NIPAL2: variants seen among roughly 807,000 people sequenced by gnomAD.
The protein encoded by NIPAL2 is NIPA-like protein 2.
NIPAL2 carries 43 observed loss-of-function variants against 48.9 expected under a neutral mutation model. The observed-to-expected ratio is 0.88, with a 90% CI of 0.69 to 1.13. The LOEUF is 1.13. Ranked by LOEUF, NIPAL2 falls within the 50% of genes most tolerant of loss-of-function variation. NIPAL2 has a pLI of 0.00. For synonymous variants in NIPAL2, 167 were observed against 174.6 expected (o/e 0.96, Z 0.34); for missense variants, 446 against 461.4 (o/e 0.97, Z 0.31).
rs78170085 is a variant in NIPAL2, at chr8:98,273,080, G to A, written c.136-18993C>T. Among the ~76,000 whole-genome samples, 491 of 152,226 alleles carry A rather than the reference G, an allele frequency of 3.2e-3. 1 individual carries two copies. The highest frequency in any genetic ancestry group is 0.011 in the African/African-American group (454 of 41,528). ...CTTGTACACAAATATCCATAGCACC[G>A]TTATTCCTAGTGCCCCAAAGTGGAA... On this transcript the variant is annotated intron_variant, in intron 1 of 10. Transcript: ENST00000430223.
chr8:98,285,088 A>G (rs1199300791), intron 1 of NIPAL2, among the ~76,000 whole-genome samples: 5 of 152,220 alleles, frequency 3.3e-5, no homozygotes, highest in African/African-American at 1.2e-4. Flanking sequence ...CTAAGCTTCT[A>G]AGGAGAGTAC....
At chr8:98,286,921 C>T (rs1490218022) in intron 1 of NIPAL2, among the ~76,000 whole-genome samples, 1 of 151,438 alleles carries the variant, frequency 6.6e-6, no homozygotes, top group Non-Finnish European at 1.5e-5. Flanking sequence ...ATCCTGAGAG[C>T]TATATGGAGG....
At chr8:98,196,491 C>T (rs1810557040) in intron 8 of NIPAL2, among the ~76,000 whole-genome samples, 1 of 152,208 alleles carries the variant, frequency 6.6e-6, no homozygotes, top group South Asian at 2.1e-4. Flanking sequence ...GGCCACATGG[C>T]GACTCAAGTG....
chr8:98,254,790 T>C (rs1360051569), intron 1 of NIPAL2, among the ~76,000 whole-genome samples: 1 of 152,266 alleles, frequency 6.6e-6, no homozygotes, highest in Non-Finnish European at 1.5e-5. Context: ...ATCTCAGGTA[T>C]GTGGCACGCG....
chr8:98,254,300 G>A (rs1257335757), intron 1 of NIPAL2, among the ~76,000 whole-genome samples: 1 of 152,098 alleles, frequency 6.6e-6, no homozygotes, highest in East Asian at 1.9e-4. Flanking sequence ...GGTCCTTTAT[G>A]AATTCTCTAG....
chr8:98,293,964 G>C, intron 1 of NIPAL2, 39 bp downstream of exon 1: 1 of 1,387,744 alleles, frequency 7.2e-7, no homozygotes, highest in Non-Finnish European at 9.4e-7. Flanking sequence ...CCCTGGCCGC[G>C]TCCCCACCGG....
At chr8:98,200,887 T>G (rs995285867) in intron 8 of NIPAL2, among the ~76,000 whole-genome samples, 2 of 152,256 alleles carry the variant, frequency 1.3e-5, no homozygotes, top group Non-Finnish European at 2.9e-5. Context: ...GTTGAACATC[T>G]TTTCACATCT....
intron 1 of NIPAL2, among the ~76,000 whole-genome samples, chr8:98,275,258 A>G (rs1322990530): frequency 6.6e-6 from 1 of 152,060 alleles, no homozygotes; most frequent in Non-Finnish European, 1.5e-5. Context: ...CGTTATAGAT[A>G]TATCCTCTTT....
chr8:98,203,352 G>A lies in NIPAL2; in HGVS notation c.792-156C>T, dbSNP rs557136214. Among the ~76,000 whole-genome samples, 12 of 152,270 alleles carry A rather than the reference G, an allele frequency of 7.9e-5. No homozygotes were observed. In the South Asian group the frequency reaches 1.7e-3, roughly 21 times the overall value. On this transcript the variant is annotated intron_variant, in intron 7 of 10. Transcript: ENST00000430223. ...TCCAATCAGCAGTCATAGCTTATAT[G>A]CATCTGATGTATGAGATCAGATGTC...
intron 1 of NIPAL2, among the ~76,000 whole-genome samples, chr8:98,255,785 A>C (rs1222901822): frequency 6.6e-6 from 1 of 152,192 alleles, no homozygotes; most frequent in African/African-American, 2.4e-5. Flanking sequence ...GACTGAGAAA[A>C]AAATTTGGCC....
chr8:98,221,058 C>T (rs1222445776), intron 5 of NIPAL2, among the ~76,000 whole-genome samples: 5 of 147,222 alleles, frequency 3.4e-5, no homozygotes, highest in African/African-American at 1.0e-4. Flanking sequence ...TCACGGTAGC[C>T]TCTGCCTCCC....
At chr8:98,194,592 C>T (rs1228854474) in intron 10 of NIPAL2, 136 bp downstream of exon 10, 3 of 469,442 alleles carry the variant, frequency 6.4e-6, no homozygotes, top group African/African-American at 4.0e-5. Context: ...GAAAATAGCA[C>T]CTTTGGTTTC....
At chr8:98,275,987 T>C (rs943429383) in intron 1 of NIPAL2, among the ~76,000 whole-genome samples, 2 of 152,180 alleles carry the variant, frequency 1.3e-5, no homozygotes, top group Admixed American at 1.3e-4. Context: ...GAGAGGAAGG[T>C]ACAGATTTCC....
At chr8:98,277,953 CCTT>C (rs1236632504) in intron 1 of NIPAL2, among the ~76,000 whole-genome samples, 1 of 152,062 alleles carries the variant, frequency 6.6e-6, no homozygotes, top group African/African-American at 2.4e-5. Flanking sequence ...GCTTCAGTGT[CCTT>C]CTTCCTGAAG....
chr8:98,228,280 C>T (rs923882552), intron 4 of NIPAL2, among the ~76,000 whole-genome samples: 12 of 152,124 alleles, frequency 7.9e-5, no homozygotes, highest in African/African-American at 2.7e-4. Context: ...GCAGGGAGGA[C>T]GATTGGTAGA....
At chr8:98,256,608 A>G (rs1813907191) in intron 1 of NIPAL2, among the ~76,000 whole-genome samples, 1 of 149,554 alleles carries the variant, frequency 6.7e-6, no homozygotes, top group African/African-American at 2.4e-5. Context: ...TCACTACTTC[A>G]CATCCAGTAG....
intron 6 of NIPAL2, among the ~76,000 whole-genome samples, chr8:98,211,138 A>G (rs16896804): frequency 0.013 from 1,955 of 152,336 alleles, 30 homozygotes; most frequent in African/African-American, 0.044. Context: ...ATCATTTTCA[A>G]AATCAATCTG....
At chr8:98,220,829 C>T (rs1373569051) in intron 5 of NIPAL2, among the ~76,000 whole-genome samples, 1 of 152,140 alleles carries the variant, frequency 6.6e-6, no homozygotes, top group East Asian at 1.9e-4. Context: ...ATTCCCCAAT[C>T]TATACTAACT....
intron 3 of NIPAL2, among the ~76,000 whole-genome samples, chr8:98,251,994 C>T (rs1813610803): frequency 6.6e-6 from 1 of 152,002 alleles, no homozygotes; most frequent in Non-Finnish European, 1.5e-5. Flanking sequence ...ATATTTGTGA[C>T]ATTACTGTAA....
Sources: gnomAD v4.1 joint callset for allele counts (sites outside exome capture counted in the v4.1 genomes callset) on GRCh38, gnomAD v4.1.1 for gene constraint, MANE v1.5 for transcripts, NCBI Gene and HGNC (gene_info 2026-07-23, HGNC 2026-07-21) for gene names.